LHX5: variants seen among roughly 807,000 people sequenced by gnomAD.
LHX5 encodes the protein LIM homeobox 5, also known as LIM/homeobox protein Lhx5.
LHX5 carries 5 observed loss-of-function variants against 30.6 expected under a neutral mutation model. The observed-to-expected ratio is 0.16, with a 90% confidence interval of 0.09 to 0.34. LHX5 has a LOEUF of 0.34. LHX5 is among the 10% of genes least tolerant of loss of function. The pLI is 1.00. For synonymous variants in LHX5, 266 were observed against 252.6 expected (o/e 1.05, Z -0.50); for missense variants, 458 against 570.6 (o/e 0.80, Z 2.01).
rs1264418408 is a variant in LHX5, at chr12:113,462,949, G to C, written c.*241C>G. ...ACTTTGGTCCCAAGAAATTGCTCGC[G>C]GTTGCTGGGAGAGTACTGGCGGTGG... On this transcript the variant is annotated 3_prime_UTR_variant, in exon 5 of 5. Coordinates refer to ENST00000261731, the MANE Select transcript of LHX5 (RefSeq NM_022363.3). The C allele has an allele frequency of 2.3e-6, 1 of 443,896 alleles. No individual in the cohort carries two copies. The highest frequency in any genetic ancestry group is 4.0e-6 in the Non-Finnish European group (1 of 250,352). 27.5% of individuals were successfully genotyped at this position (443,896 alleles called of 1,614,324 possible). A position where few individuals can be genotyped will look rare whatever the true frequency, so the allele number is the denominator to read the frequency against.
rs1958195894 is a variant in LHX5 at position 113,464,003 on chromosome 12, G to A, written c.842-446C>T. Among the ~76,000 whole-genome samples the A allele has an allele frequency of 6.6e-6, 1 of 152,210 alleles. No homozygotes were observed. On this transcript the variant is annotated intron_variant, in intron 4 of 4. Transcript: ENST00000261731. The surrounding 1 kb of genome is among the most constrained non-coding windows in gnomAD (Gnocchi z 6.2). ...TGCGGGACAGCGAGAGACAGACGGA[G>A]AGATCGGCAGAGGGGCAGAGAGAAA... is the stretch of plus-strand genomic sequence containing the variant.
At position 113,463,157 on chromosome 12, in the gene LHX5, C is replaced by G. The variant is rs996926563; in HGVS notation, c.*33G>C. On this transcript the variant is annotated 3_prime_UTR_variant, in exon 5 of 5. Transcript: ENST00000261731. The surrounding 1 kb of genome is among the most constrained non-coding windows in gnomAD (Gnocchi z 6.7). ...GGAGGCTGCTTCGGGGCGGGGCCCCCGGGGGCCGAGCGCGGGGGGCGGCCC... is the reference window on the plus strand; with the variant it reads ...GGAGGCTGCTTCGGGGCGGGGCCCCGGGGGGCCGAGCGCGGGGGGCGGCCC... The G allele has an allele frequency of 3.4e-6, 5 of 1,466,498 alleles. No homozygotes were observed. The highest frequency in any genetic ancestry group is 1.5e-5 in the African/African-American group (1 of 67,214). The allele number at this position is 1,466,498 out of a possible 1,614,324, so 90.8% of individuals were successfully genotyped here. A position where few individuals can be genotyped will look rare whatever the true frequency, so the allele number is the denominator to read the frequency against.
intron 2 of LHX5, 25 bp from the exon 3 acceptor site, chr12:113,468,429 G>C (rs1191692421): frequency 1.3e-6 from 2 of 1,587,316 alleles, no homozygotes; most frequent in African/African-American, 2.7e-5. Flanking sequence ...ATCGGGAAGG[G>C]GACAGCGGCG....
intron 3 of LHX5, 66 bp downstream of exon 3, chr12:113,468,061 A>G: frequency 6.9e-7 from 1 of 1,446,184 alleles, no homozygotes; most frequent in Non-Finnish European, 9.1e-7. Flanking sequence ...TTGGCGGGAG[A>G]CTCCTCCGAG....
chr12:113,468,821 G>A (rs736122), intron 2 of LHX5, among the ~76,000 whole-genome samples: 12,285 of 152,282 alleles, frequency 0.081, 572 homozygotes, highest in Admixed American at 0.12. Context: ...TGGAGCTCAA[G>A]TGACACATAA....
In LHX5 at chr12:113,463,466, G is replaced by T; in HGVS notation, c.933C>A (p.Ser311Arg). The change falls in exon 5 of 5, where the codon AGC (serine) becomes AGA (arginine). Residue 311 changes from serine (S) to arginine (R), a missense_variant. Physicochemically the swap from Ser to Arg is moderately radical, Grantham distance 110. Transcript: ENST00000261731. The surrounding 1 kb of genome is among the most constrained non-coding windows in gnomAD (Gnocchi z 6.7). ...AGCCGGGGCCAGAGGCCGCCAGGAA[G>T]CTGGAGTCGGCCGGGGACTGCGCCT... ...PSQAQSPADS[S>R]FLAASGPGST... 1 of 1,563,816 alleles carries T rather than the reference G, an allele frequency of 6.4e-7. No individual in the cohort carries two copies. The highest frequency in any genetic ancestry group is 1.4e-5 in the African/African-American group (1 of 73,810).
chr12:113,467,942 G>A lies in LHX5; in HGVS notation c.675+185C>T, dbSNP rs923071951. Among the ~76,000 whole-genome samples the A allele has an allele frequency of 1.3e-5, 2 of 152,258 alleles. No homozygotes were observed. The highest frequency in any genetic ancestry group is 4.8e-5 in the African/African-American group (2 of 41,468). On this transcript the variant is annotated intron_variant, in intron 3 of 4. Transcript: ENST00000261731. The surrounding 1 kb of genome is among the most constrained non-coding windows in gnomAD (Gnocchi z 6.3). Reference sequence around the variant, plus strand: ...AATCGCAATACCAGGAGGACAGCAGGGCTAGATGGAATCTTTCGGTTCACA... The same window carrying A: ...AATCGCAATACCAGGAGGACAGCAGAGCTAGATGGAATCTTTCGGTTCACA...
rs952731277 is a variant in LHX5, at chr12:113,467,666, G to A, written c.676-245C>T. Among the ~76,000 whole-genome samples, 1 of 152,208 alleles carries A rather than the reference G, an allele frequency of 6.6e-6. No homozygotes were observed. The highest frequency in any genetic ancestry group is 1.9e-4 in the East Asian group (1 of 5,174). On this transcript the variant is annotated intron_variant, in intron 3 of 4. Coordinates refer to ENST00000261731, the MANE Select transcript of LHX5 (RefSeq NM_022363.3). This position sits in a 1 kb window ranked among gnomAD's most constrained non-coding sequence, Gnocchi z 6.3. ...TAAAGACTTGGGCTTCCTGGTCCCCGGCTCGCCCGCGGCCTGACGGCTCTA... is the reference window on the plus strand; with the variant it reads ...TAAAGACTTGGGCTTCCTGGTCCCCAGCTCGCCCGCGGCCTGACGGCTCTA...
Position 113,467,006 on chromosome 12 carries a change from C to T in LHX5, c.841+250G>A, listed in dbSNP as rs931421978. On this transcript the variant is annotated intron_variant, in intron 4 of 4. Coordinates refer to ENST00000261731, the MANE Select transcript of LHX5 (RefSeq NM_022363.3). This position sits in a 1 kb window ranked among gnomAD's most constrained non-coding sequence, Gnocchi z 6.3. ...GTCTCTGAACGCAAGTGTGAGTGCA[C>T]CTTGTGCCCTGCGTGGGTGAATGTG... 2.0e-5 allele frequency among the ~76,000 whole-genome samples: 3 copies of T among 151,250 alleles called. No individual in the cohort carries two copies. Among genetic ancestry groups the T allele is most frequent in the African/African-American group, 7.3e-5 (3 of 41,062 alleles).
rs964955026 is a variant in LHX5 at position 113,467,475 on chromosome 12, C to G, written c.676-54G>C. Reference sequence around the variant, plus strand: ...AGGATCAGGAGTGTCCTCTCCCCCCCTCTTCTCCCTTCCCTGACTGGGCTG... The same window carrying G: ...AGGATCAGGAGTGTCCTCTCCCCCCGTCTTCTCCCTTCCCTGACTGGGCTG... On this transcript the variant is annotated intron_variant, in intron 3 of 4. Coordinates refer to ENST00000261731, the MANE Select transcript of LHX5 (RefSeq NM_022363.3). This position sits in a 1 kb window ranked among gnomAD's most constrained non-coding sequence, Gnocchi z 6.3. 20 of 1,372,100 alleles carry G rather than the reference C, an allele frequency of 1.5e-5. No individual in the cohort carries two copies. Among genetic ancestry groups the G allele is most frequent in the African/African-American group, 5.9e-5 (4 of 67,396 alleles). The allele number at this position is 1,372,100 out of a possible 1,614,324, so 85.0% of individuals were successfully genotyped here.
intron 1 of LHX5, among the ~76,000 whole-genome samples, chr12:113,470,871 C>T (rs1958245506): frequency 6.6e-6 from 1 of 152,234 alleles, no homozygotes; most frequent in Non-Finnish European, 1.5e-5. Flanking sequence ...CGCTGGGCCC[C>T]CTCTGGAGCT....
Sources: allele counts gnomAD v4.1 joint callset (sites outside exome capture counted in the v4.1 genomes callset), GRCh38; gene constraint gnomAD v4.1.1; non-coding constraint Gnocchi (gnomAD v3.1); transcripts MANE v1.5; gene names NCBI Gene and HGNC (gene_info 2026-07-23, HGNC 2026-07-21).